Variants in PACC1 observed in about 807,000 individuals in gnomAD.
PACC1 encodes the protein proton-activated chloride channel.
In PACC1, 34 loss-of-function variants were observed where a neutral mutation model predicts 39.7. The ratio of observed to expected loss-of-function variants is 0.86; its 90% confidence interval spans 0.65 to 1.14. The LOEUF is 1.14. Ranked by LOEUF, PACC1 falls within the 50% of genes most tolerant of loss-of-function variation. The pLI, the probability that PACC1 is intolerant of heterozygous loss-of-function variation, is 0.00. For missense variants in PACC1, 379 were observed against 436.4 expected (o/e 0.87, Z 1.17); for synonymous variants, 127 against 160.6 (o/e 0.79, Z 1.58).
intron 7 of PACC1, among the ~76,000 whole-genome samples, chr1:212,369,948 A>G (rs1362207184): frequency 6.6e-6 from 1 of 152,240 alleles, no homozygotes; most frequent in East Asian, 1.9e-4. Flanking sequence ...ATTCAACAAG[A>G]AGATACAACA....
intron 4 of PACC1, among the ~76,000 whole-genome samples, chr1:212,383,931 G>A (rs1428577291): frequency 2.6e-5 from 4 of 152,128 alleles, no homozygotes; most frequent in Non-Finnish European, 4.4e-5. Context: ...CATCCCCAGC[G>A]GCTCTGCATA....
At position 212,380,041 on chromosome 1, in the gene PACC1, C is replaced by G. The variant is rs1174250970; in HGVS notation, c.496-4G>C. The G allele has an allele frequency of 3.1e-6, 5 of 1,613,164 alleles. No homozygotes were observed. The African/African-American group carries it at 6.7e-5, about 22-fold the overall frequency. On this transcript the variant is annotated splice_region_variant and splice_polypyrimidine_tract_variant and intron_variant, in intron 4 of 7. Coordinates refer to ENST00000261455, the MANE Select transcript of PACC1 (RefSeq NM_018252.3). Reference sequence around the variant, plus strand: ...CCTGGACAATCAGGGCAGATTTCTGCAGAGAGAAAAAGGACAGAGTCTCAG... The same window carrying G: ...CCTGGACAATCAGGGCAGATTTCTGGAGAGAGAAAAAGGACAGAGTCTCAG...
Position 212,392,876 on chromosome 1 carries a change from G to C in PACC1, c.134-5776C>G, listed in dbSNP as rs1661376421. 2.0e-5 allele frequency among the ~76,000 whole-genome samples: 3 copies of C among 151,782 alleles called. No individual in the cohort carries two copies. In the South Asian group the frequency reaches 6.3e-4, roughly 32 times the overall value. ...AATGGTAAAGGGATCAATTCAACAA[G>C]AAGAGCTAACTATCCTAAATATATA... On this transcript the variant is annotated intron_variant, in intron 2 of 7. Transcript: ENST00000261455.
Position 212,409,136 on chromosome 1 carries a change from C to A in PACC1, c.133+1289G>T, listed in dbSNP as rs534984241. On this transcript the variant is annotated intron_variant, in intron 2 of 7. Transcript: ENST00000261455. ...TGGAACAGTTTCATCTTGAAACCAT[C>A]CCCCAACCTCCATCTGTGGAAAAAT... is the stretch of plus-strand genomic sequence containing the variant. Among the ~76,000 whole-genome samples the A allele has an allele frequency of 3.3e-5, 5 of 152,298 alleles. No individual in the cohort carries two copies. The South Asian group carries it at 1.0e-3, about 32-fold the overall frequency.
chr1:212,393,726 T>C (rs1194048753), intron 2 of PACC1, among the ~76,000 whole-genome samples: 2 of 152,032 alleles, frequency 1.3e-5, no homozygotes, highest in Middle Eastern at 3.4e-3. Context: ...AAGAATCAAA[T>C]AGACACAATA....
intron 4 of PACC1, 100 bp from the exon 5 acceptor site, chr1:212,380,137 G>A: frequency 7.7e-7 from 1 of 1,298,732 alleles, no homozygotes; most frequent in East Asian, 2.3e-5. Flanking sequence ...ATAGCTCCTT[G>A]CCCAGTGGTC....
At chr1:212,388,054 CAAAA>C (rs57874166) in intron 2 of PACC1, among the ~76,000 whole-genome samples, 4 of 100,576 alleles carry the variant, frequency 4.0e-5, no homozygotes, top group African/African-American at 3.1e-5. Flanking sequence ...AACTCCATCT[CAAAA>C]AAAAAAAAAA....
intron 7 of PACC1, among the ~76,000 whole-genome samples, chr1:212,367,725 A>G (rs978058262): frequency 2.0e-5 from 3 of 152,120 alleles, no homozygotes; most frequent in Non-Finnish European, 4.4e-5. Flanking sequence ...GAGAGGGAAG[A>G]GTATGAGGGA....
At chr1:212,395,886 G>A (rs908256708) in intron 2 of PACC1, among the ~76,000 whole-genome samples, 2 of 152,188 alleles carry the variant, frequency 1.3e-5, no homozygotes, top group Admixed American at 6.5e-5. Context: ...ACCACAATGA[G>A]ATACCATCTC....
chr1:212,396,970 A>G (rs1661552169), intron 2 of PACC1, among the ~76,000 whole-genome samples: 1 of 152,110 alleles, frequency 6.6e-6, no homozygotes, highest in Non-Finnish European at 1.5e-5. Context: ...TACCAGTATA[A>G]TTCTCTATCC....
rs1335414882 is a variant in PACC1 at position 212,364,808 on chromosome 1, G to T, written c.*407C>A. On this transcript the variant is annotated 3_prime_UTR_variant, in exon 8 of 8. Transcript: ENST00000261455. ...ATGACCTGCACGTCTTGATACTCAG[G>T]AATTTTTGGAAAAAGAAAATCACAC... The T allele has an allele frequency of 6.5e-6, 1 of 152,880 alleles. No homozygotes were observed. The highest frequency in any genetic ancestry group is 2.4e-5 in the African/African-American group (1 of 41,380). 9.5% of individuals were successfully genotyped at this position (152,880 alleles called of 1,614,324 possible). A position where few individuals can be genotyped will look rare whatever the true frequency, so the allele number is the denominator to read the frequency against.
At chr1:212,402,662 TG>T (rs1342073816) in intron 2 of PACC1, among the ~76,000 whole-genome samples, 2 of 152,178 alleles carry the variant, frequency 1.3e-5, no homozygotes, top group South Asian at 2.1e-4. Context: ...GGTCTTCTTT[TG>T]AGGGGGACGG....
At chr1:212,365,946 T>C (rs996878190) in intron 7 of PACC1, among the ~76,000 whole-genome samples, 2 of 152,210 alleles carry the variant, frequency 1.3e-5, no homozygotes, top group African/African-American at 4.8e-5. Flanking sequence ...ATAGTTACCA[T>C]AGTTTCAAGT....
intron 2 of PACC1, among the ~76,000 whole-genome samples, chr1:212,388,785 GCTGA>G (rs935096157): frequency 6.6e-6 from 1 of 152,160 alleles, no homozygotes; most frequent in African/African-American, 2.4e-5. Context: ...AGCAGTCTGA[GCTGA>G]CTAAGATACT....
At chr1:212,381,228 C>T (rs1471338106) in intron 4 of PACC1, among the ~76,000 whole-genome samples, 2 of 152,124 alleles carry the variant, frequency 1.3e-5, no homozygotes, top group South Asian at 2.1e-4. Flanking sequence ...CTGTTTTGTA[C>T]ATAAAGTTTT....
intron 6 of PACC1, 144 bp downstream of exon 6, chr1:212,377,418 A>G (rs1439188797): frequency 8.1e-6 from 9 of 1,111,286 alleles, no homozygotes; most frequent in African/African-American, 7.8e-5. Context: ...GAAGCCCTCC[A>G]TGGGAGTCCC....
intron 2 of PACC1, among the ~76,000 whole-genome samples, chr1:212,399,851 CTTTT>C (rs60857237): frequency 6.7e-6 from 1 of 149,766 alleles, no homozygotes; most frequent in Admixed American, 6.7e-5. Flanking sequence ...ACCTGGAAAA[CTTTT>C]TTTTTTGAGA....
At chr1:212,392,993 T>A (rs1661381907) in intron 2 of PACC1, among the ~76,000 whole-genome samples, 1 of 152,050 alleles carries the variant, frequency 6.6e-6, no homozygotes, top group Non-Finnish European at 1.5e-5. Flanking sequence ...AATGGGAGAC[T>A]TTAACACCCC....
intron 7 of PACC1, among the ~76,000 whole-genome samples, chr1:212,366,046 C>A (rs187703895): frequency 1.3e-5 from 2 of 152,172 alleles, no homozygotes; most frequent in Non-Finnish European, 2.9e-5. Context: ...TCCCCATCTA[C>A]GATGCTTTCC....
Sources: allele counts gnomAD v4.1 joint callset (sites outside exome capture counted in the v4.1 genomes callset), GRCh38; gene constraint gnomAD v4.1.1; transcripts MANE v1.5; gene names NCBI Gene and HGNC (gene_info 2026-07-23, HGNC 2026-07-21).